The following ARHGAP12 variants were observed in gnomAD, a reference collection of about 807,000 sequenced individuals.
ARHGAP12 encodes Rho GTPase activating protein 12.
In ARHGAP12, 64 loss-of-function variants were observed where a neutral mutation model predicts 108.6. The observed-to-expected ratio is 0.59, with a 90% CI of 0.48 to 0.73. The LOEUF is 0.73. Among genes scored for constraint, ARHGAP12 ranks in the 30% least tolerant of loss-of-function variants. ARHGAP12 has a pLI of 0.00. For synonymous variants in ARHGAP12, 312 were observed against 337.2 expected (o/e 0.93, Z 0.82); for missense variants, 940 against 1,005.9 (o/e 0.93, Z 0.89).
intron 6 of ARHGAP12, among the ~76,000 whole-genome samples, chr10:31,849,749 A>G (rs780921382): frequency 6.6e-6 from 1 of 152,200 alleles, no homozygotes; most frequent in Non-Finnish European, 1.5e-5. Context: ...GCAGCAGAAA[A>G]TGAAATAGTA....
intron 1 of ARHGAP12, among the ~76,000 whole-genome samples, chr10:31,915,148 A>G (rs1259862103): frequency 6.6e-6 from 1 of 152,202 alleles, no homozygotes; most frequent in African/African-American, 2.4e-5. Context: ...GCACTTTGGG[A>G]GACCGGGGCG....
rs117657020 is a variant in ARHGAP12 at position 31,860,874 on chromosome 10, C to T, written c.948+521G>A. On this transcript the variant is annotated intron_variant, in intron 4 of 19. Transcript: ENST00000344936. ...GACAGGGGGACTGCTTGAAGTCAGG[C>T]GGCAAGACCCCATCTCTACAAATAA... is the stretch of plus-strand genomic sequence containing the variant. Among the ~76,000 whole-genome samples the T allele has an allele frequency of 3.2e-4, 49 of 152,132 alleles. No individual in the cohort carries two copies. In the East Asian group the frequency reaches 9.3e-3, roughly 29 times the overall value.
chr10:31,865,005 C>T (rs1219523387), intron 3 of ARHGAP12, among the ~76,000 whole-genome samples: 1 of 151,992 alleles, frequency 6.6e-6, no homozygotes, highest in Non-Finnish European at 1.5e-5. Flanking sequence ...GGGGAAACAG[C>T]AGGGAGGAAG....
At position 31,809,743 on chromosome 10, in the gene ARHGAP12, G is replaced by A. The variant is rs41289015; in HGVS notation, c.2051-436C>T. The A allele has an allele frequency of 2.8e-3, 431 of 153,366 alleles. 2 individuals are homozygous for A. Among genetic ancestry groups the A allele is most frequent in the Non-Finnish European group, 4.5e-3 (308 of 68,776 alleles). 9.5% of individuals were successfully genotyped at this position (153,366 alleles called of 1,614,324 possible). A position where few individuals can be genotyped will look rare whatever the true frequency, so the allele number is the denominator to read the frequency against. ...AAGGCATCTGTCATATTAAGTGTTT[G>A]TAATAAGTAAACTTAATATAACCAC... On this transcript the variant is annotated intron_variant, in intron 16 of 19. Transcript: ENST00000344936.
chr10:31,848,486 T>C (rs563678885), intron 6 of ARHGAP12, among the ~76,000 whole-genome samples: 98 of 152,330 alleles, frequency 6.4e-4, no homozygotes, highest in African/African-American at 2.3e-3. Context: ...CTCCATTCTC[T>C]TCTTTTGGAA....
intron 3 of ARHGAP12, among the ~76,000 whole-genome samples, chr10:31,888,331 A>G (rs576059985): frequency 2.0e-5 from 3 of 152,320 alleles, no homozygotes; most frequent in East Asian, 1.9e-4. Context: ...GCTCCTGGCC[A>G]TAAGTCTAAA....
intron 3 of ARHGAP12, among the ~76,000 whole-genome samples, chr10:31,864,804 T>C (rs920825953): frequency 6.6e-6 from 1 of 152,208 alleles, no homozygotes; most frequent in Admixed American, 6.5e-5. Flanking sequence ...GTGATTAGGC[T>C]ACAAATTATG....
chr10:31,816,145 T>G (rs1399620623), intron 13 of ARHGAP12, among the ~76,000 whole-genome samples: 1 of 142,140 alleles, frequency 7.0e-6, no homozygotes, highest in Non-Finnish European at 1.5e-5. Context: ...AGCAAGACTG[T>G]CTCAAAAAAA....
At chr10:31,881,167 G>C (rs947692092) in intron 3 of ARHGAP12, among the ~76,000 whole-genome samples, 1 of 148,290 alleles carries the variant, frequency 6.7e-6, no homozygotes, top group African/African-American at 2.5e-5. Context: ...AAGAAAAAAA[G>C]AAAAAAAACT....
At chr10:31,865,989 A>G (rs990502917) in intron 3 of ARHGAP12, among the ~76,000 whole-genome samples, 1 of 152,208 alleles carries the variant, frequency 6.6e-6, no homozygotes, top group Non-Finnish European at 1.5e-5. Context: ...GAACCCTGGA[A>G]AATACTAAGC....
chr10:31,823,774 T>C (rs1426494546), intron 11 of ARHGAP12, among the ~76,000 whole-genome samples: 2 of 152,236 alleles, frequency 1.3e-5, no homozygotes, highest in African/African-American at 4.8e-5. Context: ...CTGCTAGAGA[T>C]CAGCTTCTGT....
chr10:31,831,831 T>C (rs755393823), intron 9 of ARHGAP12, 31 bp from the exon 10 acceptor site: 1 of 1,396,164 alleles, frequency 7.2e-7, no homozygotes, highest in South Asian at 1.3e-5. Context: ...GTTTATACAA[T>C]CACATAGACA....
intron 12 of ARHGAP12, among the ~76,000 whole-genome samples, chr10:31,818,150 C>A (rs1191336889): frequency 1.3e-5 from 2 of 152,182 alleles, no homozygotes; most frequent in Non-Finnish European, 2.9e-5. Flanking sequence ...AACACCATCA[C>A]ACAAATGCCA....
chr10:31,900,730 A>G (rs897774897), intron 3 of ARHGAP12, among the ~76,000 whole-genome samples: 3 of 152,216 alleles, frequency 2.0e-5, no homozygotes, highest in Non-Finnish European at 4.4e-5. Context: ...TTAAGGTAGT[A>G]ATTACATCCT....
rs1177047393 is a variant in ARHGAP12, at chr10:31,854,148, CACTG to C, written c.1003_1006del (p.Gln335ValfsTer66). ...TGACCAACCCCTTGGAGGAGAACCA[CACTG>C]ACTATCTGACTGGCTGTAAGAAGTG... On this transcript the variant is annotated frameshift_variant, in exon 5 of 20. Coordinates refer to ENST00000344936, the MANE Select transcript of ARHGAP12 (RefSeq NM_018287.7). LOFTEE classifies it high-confidence loss of function. 1.2e-6 allele frequency: 2 copies of C among 1,613,848 alleles called. No homozygotes were observed. The highest frequency in any genetic ancestry group is 2.2e-5 in the South Asian group (2 of 91,040).
At chr10:31,810,829 G>A in intron 15 of ARHGAP12, 82 bp from the exon 16 acceptor site, 2 of 1,014,656 alleles carry the variant, frequency 2.0e-6, no homozygotes, top group Non-Finnish European at 3.1e-6. Context: ...GAGTGCAACA[G>A]AAACATCCAG....
chr10:31,812,098 CA>C (rs1835044107), intron 15 of ARHGAP12, among the ~76,000 whole-genome samples: 2 of 151,936 alleles, frequency 1.3e-5, no homozygotes, highest in Non-Finnish European at 2.9e-5. Flanking sequence ...TTTTTATTTA[CA>C]AATAAATGCC....
intron 3 of ARHGAP12, among the ~76,000 whole-genome samples, chr10:31,881,954 G>C (rs1301124177): frequency 2.1e-5 from 3 of 143,696 alleles, no homozygotes; most frequent in Admixed American, 7.2e-5. Context: ...TCGCTCTGTC[G>C]CCCAGGCTGG....
chr10:31,910,993 TG>T (rs1246188681), intron 1 of ARHGAP12, among the ~76,000 whole-genome samples: 1 of 152,028 alleles, frequency 6.6e-6, no homozygotes, highest in African/African-American at 2.4e-5. Context: ...ATTTGTCCCC[TG>T]ATTACTTCCT....
Sources: allele counts gnomAD v4.1 joint callset (sites outside exome capture counted in the v4.1 genomes callset), GRCh38; gene constraint gnomAD v4.1.1; transcripts MANE v1.5; gene names NCBI Gene and HGNC (gene_info 2026-07-23, HGNC 2026-07-21).